Variants in RNF216 observed in about 807,000 individuals in gnomAD.
RNF216 encodes ring finger protein 216, also known as E3 ubiquitin-protein ligase RNF216.
Under a neutral mutation model 110.8 loss-of-function variants are expected in RNF216, and 72 were observed. That is an observed-to-expected ratio of 0.65 (90% CI 0.54 to 0.79). The LOEUF (loss-of-function observed/expected upper bound fraction) is 0.79, where lower values mean the gene tolerates loss of function less well. RNF216 is among the 30% of genes least tolerant of loss of function. The pLI is 0.00. For missense variants in RNF216, 1,342 were observed against 1,141.2 expected (o/e 1.18, Z -2.54); for synonymous variants, 495 against 407.5 (o/e 1.21, Z -2.59).
chr7:5,693,485 T>A (rs1791456259), intron 13 of RNF216, among the ~76,000 whole-genome samples: 1 of 152,276 alleles, frequency 6.6e-6, no homozygotes, highest in South Asian at 2.1e-4. Flanking sequence ...AGAATAAAAT[T>A]AAACTCCTTT....
At chr7:5,711,702 G>A (rs2128629308) in intron 13 of RNF216, 59 bp downstream of exon 13, 2 of 1,398,832 alleles carry the variant, frequency 1.4e-6, no homozygotes, top group Admixed American at 3.9e-5. Context: ...TTTGGGCCAT[G>A]AGGGCAGCCC....
At chr7:5,646,350 G>C (rs889487345) in intron 14 of RNF216, among the ~76,000 whole-genome samples, 1 of 151,704 alleles carries the variant, frequency 6.6e-6, no homozygotes, top group African/African-American at 2.4e-5. Flanking sequence ...CTCCAGACGG[G>C]GTGACAAGGC....
Position 5,622,812 on chromosome 7 carries a change from C to G in RNF216, c.*48G>C, listed in dbSNP as rs763515140. ...CTTGGGGGAGGGTTCTCCATCCACA[C>G]TCCTACCCCAAACGGGCTTTGTGCT... On this transcript the variant is annotated 3_prime_UTR_variant, in exon 17 of 17. Transcript: ENST00000389902. 3 of 1,532,590 alleles carry G rather than the reference C, an allele frequency of 2.0e-6. No individual in the cohort carries two copies. In the South Asian group the frequency reaches 3.7e-5, roughly 19 times the overall value. The allele number at this position is 1,532,590 out of a possible 1,614,324, so 94.9% of individuals were successfully genotyped here.
At chr7:5,687,971 T>C (rs1243420640) in intron 13 of RNF216, among the ~76,000 whole-genome samples, 2 of 152,242 alleles carry the variant, frequency 1.3e-5, no homozygotes, top group Admixed American at 1.3e-4. Flanking sequence ...CATCTTGCCA[T>C]ATTCTTTTTT....
chr7:5,632,738 C>A (rs1787150092), intron 15 of RNF216, among the ~76,000 whole-genome samples: 1 of 152,098 alleles, frequency 6.6e-6, no homozygotes, highest in Non-Finnish European at 1.5e-5. Flanking sequence ...GATCACGCGA[C>A]TGCATTCCAG....
chr7:5,732,894 T>C (rs1413748703), intron 5 of RNF216: 2 of 152,268 alleles, frequency 1.3e-5, no homozygotes, highest in Non-Finnish European at 1.5e-5. Flanking sequence ...CCTTAGATAG[T>C]TGTTGCTGCC....
At chr7:5,745,221 A>T (rs745632553) in intron 3 of RNF216, among the ~76,000 whole-genome samples, 17 of 152,240 alleles carry the variant, frequency 1.1e-4, no homozygotes, top group Non-Finnish European at 2.2e-4. Flanking sequence ...TAAGAGGTCA[A>T]GGAAGAAAAA....
chr7:5,740,821 AGT>A (rs1307327965), intron 4 of RNF216, 150 bp downstream of exon 4: 1 of 659,408 alleles, frequency 1.5e-6, no homozygotes, highest in Non-Finnish European at 2.3e-6. Context: ...ATGTCTTCAG[AGT>A]GTCTCTTCTA....
chr7:5,763,236 T>A (rs938506113), intron 1 of RNF216, among the ~76,000 whole-genome samples: 6 of 152,170 alleles, frequency 3.9e-5, no homozygotes, highest in African/African-American at 1.4e-4. Flanking sequence ...ACACTCCACA[T>A]ATTGATTGTG....
At chr7:5,631,582 C>T (rs945393674) in intron 15 of RNF216, among the ~76,000 whole-genome samples, 5 of 152,140 alleles carry the variant, frequency 3.3e-5, no homozygotes, top group Admixed American at 3.3e-4. Context: ...TACCAAGTTA[C>T]TTGAATCCCA....
chr7:5,734,684 T>A (rs1396818276), intron 5 of RNF216, among the ~76,000 whole-genome samples: 1 of 150,914 alleles, frequency 6.6e-6, no homozygotes, highest in Non-Finnish European at 1.5e-5. Context: ...CCAAGCCAGG[T>A]GAGGTAACAC....
intron 13 of RNF216, among the ~76,000 whole-genome samples, chr7:5,671,347 T>C (rs1404306177): frequency 6.6e-6 from 1 of 152,246 alleles, no homozygotes; most frequent in African/African-American, 2.4e-5. Context: ...CATTTATCTG[T>C]GGCTGTTATG....
At chr7:5,745,724 AC>A (rs764064259) in intron 3 of RNF216, among the ~76,000 whole-genome samples, 5 of 151,962 alleles carry the variant, frequency 3.3e-5, no homozygotes, top group Non-Finnish European at 5.9e-5. Context: ...ACATGGTGAA[AC>A]CCCATCTCTA....
intron 15 of RNF216, among the ~76,000 whole-genome samples, chr7:5,637,026 C>G (rs769617442): frequency 6.4e-4 from 97 of 152,184 alleles, no homozygotes; most frequent in Non-Finnish European, 9.1e-4. Flanking sequence ...CACGCTAACT[C>G]CCACTCTGCC....
At chr7:5,754,818 A>G (rs1795531962) in intron 2 of RNF216, among the ~76,000 whole-genome samples, 1 of 152,128 alleles carries the variant, frequency 6.6e-6, no homozygotes, top group African/African-American at 2.4e-5. Context: ...ACTTGAGGCC[A>G]GGAGTTCGAG....
chr7:5,745,119 A>C (rs1376069155), intron 3 of RNF216, among the ~76,000 whole-genome samples: 1 of 152,228 alleles, frequency 6.6e-6, no homozygotes, highest in Non-Finnish European at 1.5e-5. Context: ...GAAAACACTA[A>C]TATTAGCAAA....
rs528466469 is a variant in RNF216, at chr7:5,723,858, G to A, written c.1504+1466C>T. Among the ~76,000 whole-genome samples the A allele has an allele frequency of 2.0e-5, 3 of 152,228 alleles. 1 individual carries two copies. In the South Asian group the frequency reaches 6.2e-4, roughly 32 times the overall value. ...GGAACAGATGAGGGATTCTTAGCCT[G>A]TGTCCTTATAAAAAGCTGTCAAAAA... On this transcript the variant is annotated intron_variant, in intron 8 of 16. Coordinates refer to ENST00000389902, the MANE Select transcript of RNF216 (RefSeq NM_207111.4).
intron 2 of RNF216, among the ~76,000 whole-genome samples, chr7:5,759,853 G>C (rs1212263526): frequency 1.3e-5 from 2 of 151,802 alleles, no homozygotes; most frequent in South Asian, 4.1e-4. Context: ...GGCTGGTCTC[G>C]AACTCCTGAC....
At chr7:5,660,943 G>GTTTTTTTTTGTTTTTTTTTTTT (rs1470327757) in intron 13 of RNF216, among the ~76,000 whole-genome samples, 20 of 90,148 alleles carry the variant, frequency 2.2e-4, no homozygotes, top group East Asian at 1.5e-3. Flanking sequence ...GAAGCCTTAG[G>GTTTTTTTTTGTTTTTTTTTTTT]TTTTTTTTTT....
Sources: gnomAD v4.1 joint callset for allele counts (sites outside exome capture counted in the v4.1 genomes callset) on GRCh38, gnomAD v4.1.1 for gene constraint, MANE v1.5 for transcripts, NCBI Gene and HGNC (gene_info 2026-07-23, HGNC 2026-07-21) for gene names.